The following TRPC5 variants were observed in gnomAD, a reference collection of about 807,000 sequenced individuals.
The protein encoded by TRPC5 is short transient receptor potential channel 5.
Under a neutral mutation model 56.5 loss-of-function variants are expected in TRPC5, and 9 were observed. That is an observed-to-expected ratio of 0.16 (90% CI 0.10 to 0.28). The LOEUF is 0.28. Among genes scored for constraint, TRPC5 ranks in the 10% least tolerant of loss-of-function variants. TRPC5 has a pLI of 1.00. For missense variants in TRPC5, 469 were observed against 748.9 expected (o/e 0.63, Z 4.36); for synonymous variants, 282 against 278.5 (o/e 1.01, Z -0.13).
intron 2 of TRPC5, among the ~76,000 whole-genome samples, chrX:111,928,963 C>T (rs1926333351): frequency 8.9e-6 from 1 of 112,057 alleles, no homozygotes; most frequent in Non-Finnish European, 1.9e-5. Flanking sequence ...CTCTGCAGCA[C>T]CTTTTCAGGA....
intron 1 of TRPC5, among the ~76,000 whole-genome samples, chrX:112,032,509 C>A (rs1295889698): frequency 1.8e-5 from 2 of 112,250 alleles, no homozygotes. Context: ...CTTTGTTTAT[C>A]CATACATAAA....
intron 7 of TRPC5, among the ~76,000 whole-genome samples, chrX:111,814,785 T>G (rs1176799260): frequency 2.7e-5 from 3 of 110,808 alleles, no homozygotes; most frequent in African/African-American, 9.9e-5. Context: ...TCTGACCATT[T>G]GAGGACTTGG....
chrX:111,800,063 T>A (rs1450961518), intron 7 of TRPC5, among the ~76,000 whole-genome samples: 1 of 111,416 alleles, frequency 9.0e-6, no homozygotes, highest in African/African-American at 3.3e-5. Flanking sequence ...GAAGGATTGG[T>A]ACCATATAGA....
chrX:111,901,767 C>G, intron 3 of TRPC5: 1 of 751,520 alleles, frequency 1.3e-6, no homozygotes, highest in Non-Finnish European at 1.8e-6. Flanking sequence ...CCATTGTTAG[C>G]CCCTTATACT....
rs201303717 is a variant in TRPC5 at position 111,909,346 on chromosome X, A to AT, written c.900+2944dup. On this transcript the variant is annotated intron_variant, in intron 3 of 10. Transcript: ENST00000262839. The stretch of plus-strand genomic sequence containing the variant: ...CTCCGTCTCAAAAATAAATAAATAA[A>AT]TAAATAAATAAATTAATTAATTAAT... Among the ~76,000 whole-genome samples, 26 of 105,584 alleles carry AT rather than the reference A, an allele frequency of 2.5e-4. No homozygotes were observed. The East Asian group carries it at 2.6e-3, about 11-fold the overall frequency. 91.7% of individuals were successfully genotyped at this position (105,584 alleles called of 115,157 possible). A position where few individuals can be genotyped will look rare whatever the true frequency, so the allele number is the denominator to read the frequency against.
intron 7 of TRPC5, among the ~76,000 whole-genome samples, chrX:111,788,434 A>G (rs1428165514): frequency 8.9e-6 from 1 of 112,070 alleles, no homozygotes; most frequent in African/African-American, 3.2e-5. Context: ...AGAGCTATTT[A>G]TGACAAACCC....
chrX:111,840,073 G>A lies in TRPC5; in HGVS notation c.1701-4957C>T, dbSNP rs769232253. Among the ~76,000 whole-genome samples the A allele has an allele frequency of 5.3e-5, 6 of 112,449 alleles. No homozygotes were observed. The South Asian group carries it at 2.2e-3, about 41-fold the overall frequency. ...TAGTCCCAGCTACTCGGGAGGTTGA[G>A]GCAGGAGAATGGTGTGAACCCGGGA... is the stretch of plus-strand genomic sequence containing the variant. On this transcript the variant is annotated intron_variant, in intron 6 of 10. Transcript: ENST00000262839.
chrX:111,908,262 T>C (rs1001038675), intron 3 of TRPC5, among the ~76,000 whole-genome samples: 2 of 111,946 alleles, frequency 1.8e-5, no homozygotes, highest in Admixed American at 1.9e-4. Context: ...AATTATGTTT[T>C]ACATTCCTGA....
Position 111,842,682 on chromosome X carries a change from CTT to C in TRPC5, c.1700+4430_1700+4431del, listed in dbSNP as rs1569526345. On this transcript the variant is annotated intron_variant, in intron 6 of 10. Transcript: ENST00000262839. ...ATGACAGGATAAAGACTCAGAAAGA[CTT>C]CAACACCTTGGAGCAAGGGGCTGGA... Among the ~76,000 whole-genome samples, 5 of 112,159 alleles carry C rather than the reference CTT, an allele frequency of 4.5e-5. No homozygotes were observed. The South Asian group carries it at 1.9e-3, about 42-fold the overall frequency.
At chrX:112,056,666 G>A (rs1215608799) in intron 1 of TRPC5, among the ~76,000 whole-genome samples, 2 of 112,346 alleles carry the variant, frequency 1.8e-5, no homozygotes, top group Non-Finnish European at 3.8e-5. Flanking sequence ...AGCCTGTGCA[G>A]CTACATTTTA....
chrX:111,976,172 C>T (rs1419387522), intron 1 of TRPC5, among the ~76,000 whole-genome samples: 1 of 111,656 alleles, frequency 9.0e-6, no homozygotes, highest in Non-Finnish European at 1.9e-5. Flanking sequence ...CCTATAGCCC[C>T]TGCACTTTGG....
At chrX:112,060,568 TC>T (rs756190872) in intron 1 of TRPC5, among the ~76,000 whole-genome samples, 142 of 112,143 alleles carry the variant, frequency 1.3e-3, no homozygotes, top group African/African-American at 4.3e-3. Context: ...AGGTTCTTTG[TC>T]AAAAACATTG....
chrX:112,020,402 A>G (rs912051497), intron 1 of TRPC5, among the ~76,000 whole-genome samples: 1 of 111,988 alleles, frequency 8.9e-6, no homozygotes, highest in African/African-American at 3.2e-5. Context: ...AGTAATCATA[A>G]CAGCTTAGGA....
Position 112,023,234 on chromosome X carries a change from GTTTT to G in TRPC5, c.-22+58641_-22+58644del, listed in dbSNP as rs749260030. On this transcript the variant is annotated intron_variant, in intron 1 of 10. Transcript: ENST00000262839. ...CAGGCGTGAGCCACTGCGCCCAGCA[GTTTT>G]TTTTTTTGTTTTTTTTTTTTTTTTT... Among the ~76,000 whole-genome samples, 5 of 45,960 alleles carry G rather than the reference GTTTT, an allele frequency of 1.1e-4. No homozygotes were observed. In the Admixed American group the frequency reaches 1.2e-3, roughly 11 times the overall value. 39.9% of individuals were successfully genotyped at this position (45,960 alleles called of 115,157 possible).
intron 1 of TRPC5, among the ~76,000 whole-genome samples, chrX:112,042,713 T>A (rs1187204765): frequency 2.7e-5 from 3 of 111,555 alleles, no homozygotes; most frequent in Non-Finnish European, 5.7e-5. Context: ...TTTTAACTAT[T>A]AGATCCAGCC....
At chrX:112,071,166 G>T (rs1470387341) in intron 1 of TRPC5, among the ~76,000 whole-genome samples, 1 of 109,989 alleles carries the variant, frequency 9.1e-6, no homozygotes, top group Non-Finnish European at 1.9e-5. Flanking sequence ...CACAATATTA[G>T]CCGGGCATGG....
intron 5 of TRPC5, among the ~76,000 whole-genome samples, chrX:111,849,981 G>A (rs1243889650): frequency 1.8e-5 from 2 of 112,119 alleles, no homozygotes; most frequent in East Asian, 2.8e-4. Context: ...TTCAAAGGAT[G>A]TAAATTGCAT....
chrX:112,033,332 A>C (rs188416119), intron 1 of TRPC5, among the ~76,000 whole-genome samples: 108 of 109,024 alleles, frequency 9.9e-4, no homozygotes, highest in African/African-American at 3.5e-3. Context: ...ACAAACCTGC[A>C]TGTTGTGCAC....
At chrX:111,954,220 G>A (rs1179005140) in intron 1 of TRPC5, among the ~76,000 whole-genome samples, 1 of 112,183 alleles carries the variant, frequency 8.9e-6, no homozygotes, top group Non-Finnish European at 1.9e-5. Flanking sequence ...AGAAGGGATA[G>A]TGTGACCTCC....
Sources: allele counts gnomAD v4.1 joint callset (sites outside exome capture counted in the v4.1 genomes callset), GRCh38; gene constraint gnomAD v4.1.1; transcripts MANE v1.5; gene names NCBI Gene and HGNC (gene_info 2026-07-23, HGNC 2026-07-21).